Variants in LRRC4C observed in about 807,000 individuals in gnomAD.
The protein encoded by LRRC4C is leucine-rich repeat-containing protein 4C.
A neutral mutation model predicts 33.6 loss-of-function variants in LRRC4C; 5 were observed. That is an observed-to-expected ratio of 0.15 (90% CI 0.08 to 0.31). The LOEUF (loss-of-function observed/expected upper bound fraction) is 0.31. Among genes scored for constraint, LRRC4C ranks in the 10% least tolerant of loss-of-function variants. The pLI is 1.00. For missense variants in LRRC4C, 560 were observed against 796.7 expected, an observed-to-expected ratio of 0.70 and a Z score of 3.58; for synonymous variants, 329 against 302.0, an observed-to-expected ratio of 1.09 and a Z score of -0.93.
At chr11:41,173,606 C>G (rs547471548) in intron 1 of LRRC4C, among the ~76,000 whole-genome samples, 1 of 152,054 alleles carries the variant, frequency 6.6e-6, no homozygotes, top group East Asian at 1.9e-4. Flanking sequence ...AAATCCAAGT[C>G]GAAAATCATT....
chr11:41,089,944 A>G (rs1326070770), intron 1 of LRRC4C, among the ~76,000 whole-genome samples: 2 of 152,056 alleles, frequency 1.3e-5, no homozygotes, highest in African/African-American at 2.4e-5. Flanking sequence ...TACTATGCTA[A>G]TATATACAGT....
At chr11:40,898,379 A>G (rs950723127) in intron 2 of LRRC4C, among the ~76,000 whole-genome samples, 3 of 151,120 alleles carry the variant, frequency 2.0e-5, no homozygotes, top group African/African-American at 7.3e-5. Flanking sequence ...AAAAGAAAAA[A>G]GAAATGTAAG....
intron 3 of LRRC4C, among the ~76,000 whole-genome samples, chr11:40,397,431 T>A (rs572647871): frequency 6.6e-6 from 1 of 152,192 alleles, no homozygotes; most frequent in East Asian, 1.9e-4. Context: ...AAAAACGTTT[T>A]AAAAACTTAG....
intron 1 of LRRC4C, among the ~76,000 whole-genome samples, chr11:41,224,338 C>G (rs1590983909): frequency 3.3e-5 from 5 of 152,226 alleles, no homozygotes; most frequent in Admixed American, 6.5e-5. Flanking sequence ...TGCATCTATA[C>G]CATTCACTCA....
At chr11:40,947,344 G>T (rs1024809556) in intron 1 of LRRC4C, among the ~76,000 whole-genome samples, 6 of 152,136 alleles carry the variant, frequency 3.9e-5, no homozygotes, top group Non-Finnish European at 7.3e-5. Flanking sequence ...CTGTTGTTGT[G>T]CTGGGATGCA....
chr11:40,167,748 A>T (rs1859715501), intron 5 of LRRC4C, among the ~76,000 whole-genome samples: 1 of 152,080 alleles, frequency 6.6e-6, no homozygotes, highest in Non-Finnish European at 1.5e-5. Flanking sequence ...GGGCCATTTC[A>T]CTTCAAACCT....
intron 1 of LRRC4C, among the ~76,000 whole-genome samples, chr11:41,161,286 G>A (rs1261375878): frequency 6.6e-6 from 1 of 152,094 alleles, no homozygotes; most frequent in African/African-American, 2.4e-5. Flanking sequence ...GAAATCCTAT[G>A]TCAAAGAAAT....
intron 1 of LRRC4C, among the ~76,000 whole-genome samples, chr11:41,336,075 G>T (rs1048467183): frequency 2.0e-5 from 3 of 152,218 alleles, no homozygotes; most frequent in African/African-American, 7.2e-5. Flanking sequence ...CTTTGCCACT[G>T]AGCCCTTTGT....
chr11:41,417,486 A>G (rs1038431589), intron 1 of LRRC4C, among the ~76,000 whole-genome samples: 21 of 152,060 alleles, frequency 1.4e-4, no homozygotes, highest in African/African-American at 5.1e-4. Context: ...TGACCCTTGA[A>G]AAAGCAAGTT....
chr11:40,992,477 G>A (rs1853653024), intron 1 of LRRC4C, among the ~76,000 whole-genome samples: 1 of 150,152 alleles, frequency 6.7e-6, no homozygotes, highest in South Asian at 2.1e-4. Flanking sequence ...AGAATGTAAA[G>A]GGCGGGATCT....
At chr11:40,375,528 C>A (rs1171283818) in intron 3 of LRRC4C, among the ~76,000 whole-genome samples, 1 of 152,056 alleles carries the variant, frequency 6.6e-6, no homozygotes, top group African/African-American at 2.4e-5. Flanking sequence ...ACCGCTTTTG[C>A]CAAGGTCTAA....
At chr11:40,396,406 C>T (rs928713322) in intron 3 of LRRC4C, among the ~76,000 whole-genome samples, 1 of 151,948 alleles carries the variant, frequency 6.6e-6, no homozygotes, top group Non-Finnish European at 1.5e-5. Context: ...GCATAATGTC[C>T]CTTTTAATTT....
chr11:40,562,270 T>C (rs1957578740), intron 3 of LRRC4C, among the ~76,000 whole-genome samples: 1 of 152,238 alleles, frequency 6.6e-6, no homozygotes, highest in Non-Finnish European at 1.5e-5. Context: ...TCTTAAATGT[T>C]AACAAAATAA....
chr11:41,157,705 T>A (rs1389591998), intron 1 of LRRC4C, among the ~76,000 whole-genome samples: 3 of 152,158 alleles, frequency 2.0e-5, no homozygotes, highest in Admixed American at 2.0e-4. Flanking sequence ...TGAATTGGGC[T>A]TTGATATGAT....
intron 3 of LRRC4C, among the ~76,000 whole-genome samples, chr11:40,509,747 G>T (rs1362205870): frequency 6.6e-6 from 1 of 152,048 alleles, no homozygotes; most frequent in Non-Finnish European, 1.5e-5. Context: ...ATTACACAAA[G>T]CTGAATAAGC....
chr11:40,649,175 G>C (rs1392904844), intron 2 of LRRC4C, among the ~76,000 whole-genome samples: 1 of 152,230 alleles, frequency 6.6e-6, no homozygotes, highest in East Asian at 1.9e-4. Flanking sequence ...GAACTGGTCT[G>C]ACCAAAAATT....
chr11:40,428,652 A>T (rs1200747075), intron 3 of LRRC4C, among the ~76,000 whole-genome samples: 2 of 152,288 alleles, frequency 1.3e-5, no homozygotes, highest in South Asian at 2.1e-4. Context: ...CCTTCCCTTA[A>T]CTAGCAAGTT....
intron 3 of LRRC4C, among the ~76,000 whole-genome samples, chr11:40,517,303 C>T (rs1219691657): frequency 6.6e-6 from 1 of 152,074 alleles, no homozygotes; most frequent in African/African-American, 2.4e-5. Flanking sequence ...GAGGTTCAAT[C>T]GATGACTTTT....
At chr11:41,381,795 T>C (rs1460832990) in intron 1 of LRRC4C, among the ~76,000 whole-genome samples, 1 of 151,724 alleles carries the variant, frequency 6.6e-6, no homozygotes, top group Non-Finnish European at 1.5e-5. Context: ...TATATATATT[T>C]GAAAAGGCAT....
Sources: gnomAD v4.1 joint callset for allele counts (sites outside exome capture counted in the v4.1 genomes callset) on GRCh38, gnomAD v4.1.1 for gene constraint, MANE v1.5 for transcripts, NCBI Gene and HGNC (gene_info 2026-07-23, HGNC 2026-07-21) for gene names.